TNFSF18: variants seen among roughly 807,000 people sequenced by gnomAD.
TNFSF18 encodes the protein tumor necrosis factor ligand superfamily member 18.
In TNFSF18, 6 loss-of-function variants were observed where a neutral mutation model predicts 9.6. That is an observed-to-expected ratio of 0.63 (90% CI 0.34 to 1.24). TNFSF18 has a LOEUF of 1.24. TNFSF18 is among the 50% of genes most tolerant of loss of function. TNFSF18 has a pLI of 0.03. For synonymous variants in TNFSF18, 68 were observed against 71.7 expected (o/e 0.95, Z 0.26); for missense variants, 210 against 201.0 (o/e 1.04, Z -0.27).
At position 173,040,503 on chromosome 1, in the gene TNFSF18, A is replaced by G. The variant is rs567339501; in HGVS notation, c.*864T>C. On this transcript the variant is annotated 3_prime_UTR_variant, in exon 3 of 3. Coordinates refer to ENST00000404377, the MANE Select transcript of TNFSF18 (RefSeq NM_005092.4). ...TTTTCCCCCAAATGCCTGCCCAATT[A>G]ACTTCATAGAATTGCTAACTGTTTT... 2.6e-5 allele frequency: 4 copies of G among 152,288 alleles called. No individual in the cohort carries two copies. The South Asian group carries it at 8.3e-4, about 32-fold the overall frequency. 9.4% of individuals were successfully genotyped at this position (152,288 alleles called of 1,614,324 possible).
chr1:173,041,822 C>CGGCGACCACCG, intron 2 of TNFSF18, 109 bp from the exon 3 acceptor site: 1 of 872,602 alleles, frequency 1.1e-6, no homozygotes, highest in South Asian at 2.5e-5. Flanking sequence ...GTTTCTTTAC[C>CGGCGACCACCG]TGATCTACAC....
intron 2 of TNFSF18, 103 bp from the exon 3 acceptor site, chr1:173,041,816 C>CG: frequency 4.4e-6 from 4 of 899,510 alleles, no homozygotes; most frequent in South Asian, 3.9e-5. Flanking sequence ...CATGTTGTTT[C>CG]TTTACCTGAT....
At chr1:173,046,950 TG>T (rs902688530) in intron 1 of TNFSF18, among the ~76,000 whole-genome samples, 2 of 151,966 alleles carry the variant, frequency 1.3e-5, no homozygotes, top group African/African-American at 4.8e-5. Context: ...TGGAGTGCAG[TG>T]GTGTTATCTC....
intron 1 of TNFSF18, among the ~76,000 whole-genome samples, chr1:173,046,578 C>G (rs1241545605): frequency 6.6e-6 from 1 of 151,910 alleles, no homozygotes; most frequent in Admixed American, 6.6e-5. Flanking sequence ...AAATATTTTA[C>G]TTATTTTAGT....
At chr1:173,049,409 C>A (rs1158398425) in intron 1 of TNFSF18, among the ~76,000 whole-genome samples, 5 of 152,180 alleles carry the variant, frequency 3.3e-5, no homozygotes, top group Admixed American at 2.0e-4. Flanking sequence ...GAATTTCTGA[C>A]AATTCTTTCT....
intron 2 of TNFSF18, among the ~76,000 whole-genome samples, chr1:173,042,772 T>G (rs955233162): frequency 2.6e-5 from 4 of 152,080 alleles, no homozygotes; most frequent in African/African-American, 9.7e-5. Flanking sequence ...CTCCATAATT[T>G]TTGTCCTTTG....
intron 1 of TNFSF18, among the ~76,000 whole-genome samples, chr1:173,050,500 CTCTA>C (rs1358296213): frequency 6.6e-6 from 1 of 152,084 alleles, no homozygotes; most frequent in African/African-American, 2.4e-5. Context: ...AACCAGTTCT[CTCTA>C]TCTAACAGAG....
chr1:173,041,554 C>A lies in TNFSF18; in HGVS notation c.347G>T (p.Arg116Leu). 1 of 1,613,440 alleles carries A rather than the reference C, an allele frequency of 6.2e-7. No homozygotes were observed. The highest frequency in any genetic ancestry group is 8.5e-7 in the Non-Finnish European group (1 of 1,179,620). ...TATCATGTCTTTGTTTTTATACAGCCGCACCTCAAAAGGAGCTACATCATT... is the reference window on the plus strand; with the variant it reads ...TATCATGTCTTTGTTTTTATACAGCAGCACCTCAAAAGGAGCTACATCATT... Reference protein sequence around the residue: ...NYNDVAPFEVRLYKNKDMIQT... With the variant: ...NYNDVAPFEVLLYKNKDMIQT... Residue 116 changes from arginine (R) to leucine (L), a missense_variant, in exon 3 of 3, where the codon CGG becomes CTG. Physicochemically the swap from Arg to Leu is moderately radical, Grantham distance 102. Coordinates refer to ENST00000404377, the MANE Select transcript of TNFSF18 (RefSeq NM_005092.4).
At chr1:173,049,852 A>G (rs1665141026) in intron 1 of TNFSF18, among the ~76,000 whole-genome samples, 1 of 152,190 alleles carries the variant, frequency 6.6e-6, no homozygotes, top group Non-Finnish European at 1.5e-5. Context: ...AGTGCTACGT[A>G]GTTAACTGTG....
At chr1:173,042,315 A>G (rs1422028138) in intron 2 of TNFSF18, among the ~76,000 whole-genome samples, 1 of 152,132 alleles carries the variant, frequency 6.6e-6, no homozygotes, top group Non-Finnish European at 1.5e-5. Flanking sequence ...TAGGACAAAT[A>G]TATCTCTATT....
Position 173,043,267 on chromosome 1 carries a change from A to C in TNFSF18, c.187+672T>G, listed in dbSNP as rs996971554. Among the ~76,000 whole-genome samples, 3 of 152,188 alleles carry C rather than the reference A, an allele frequency of 2.0e-5. No homozygotes were observed. The South Asian group carries it at 6.2e-4, about 31-fold the overall frequency. ...CTATATAGGAACACAGGGGTTGCAG[A>C]GTTAACTCTAGAAATGGTCTGTTCT... On this transcript the variant is annotated intron_variant, in intron 2 of 2. Coordinates refer to ENST00000404377, the MANE Select transcript of TNFSF18 (RefSeq NM_005092.4).
chr1:173,042,759 A>G (rs977032797), intron 2 of TNFSF18, among the ~76,000 whole-genome samples: 8 of 152,110 alleles, frequency 5.3e-5, no homozygotes, highest in South Asian at 2.1e-4. Context: ...CTGTTCTGCA[A>G]TTCTCCATAA....
At position 173,043,950 on chromosome 1, in the gene TNFSF18, A is replaced by G; in HGVS notation, c.176T>C (p.Met59Thr). 8 of 1,612,966 alleles carry G rather than the reference A, an allele frequency of 5.0e-6. No homozygotes were observed. Among genetic ancestry groups the G allele is most frequent in the Non-Finnish European group, 6.8e-6 (8 of 1,179,018 alleles). Residue 59 changes from methionine (M) to threonine (T), a missense_variant, in exon 2 of 3, where the codon ATG becomes ACG. Coordinates refer to ENST00000404377, the MANE Select transcript of TNFSF18 (RefSeq NM_005092.4). ...LQLETAKEPC[M>T]AKFGPLPSKW... ...GATAGGTTACTCACCAAACTTAGCC[A>G]TACAGGGCTCCTTAGCAGTCTGTTG...
At position 173,039,368 on chromosome 1, in the gene TNFSF18, T is replaced by G. The variant is rs2101924911; in HGVS notation, c.*1999A>C. On this transcript the variant is annotated 3_prime_UTR_variant, in exon 3 of 3. Transcript: ENST00000404377. ...AGCTGCAGCTGTAGTAACCTCTGCT[T>G]GCCCTGAGAAATCACCAGTATGCCA... Among the ~76,000 whole-genome samples, 1 of 152,290 alleles carries G rather than the reference T, an allele frequency of 6.6e-6. No homozygotes were observed. The highest frequency in any genetic ancestry group is 2.1e-4 in the South Asian group (1 of 4,822).
chr1:173,046,240 A>G (rs903366894), intron 1 of TNFSF18, among the ~76,000 whole-genome samples: 1 of 152,206 alleles, frequency 6.6e-6, no homozygotes, highest in Non-Finnish European at 1.5e-5. Context: ...TTGTCATTAG[A>G]GTATAATGAA....
intron 1 of TNFSF18, 144 bp from the exon 2 acceptor site, chr1:173,044,113 GC>G (rs1228094675): frequency 1.3e-6 from 1 of 743,482 alleles, no homozygotes. Context: ...CCATGTCTCA[GC>G]CCTCTCAGCC....
Position 173,041,640 on chromosome 1 carries a change from C to T in TNFSF18, c.261G>A (p.Leu87=). The T allele has an allele frequency of 6.2e-7, 1 of 1,613,528 alleles. No homozygotes were observed. Among genetic ancestry groups the T allele is most frequent in the Non-Finnish European group, 8.5e-7 (1 of 1,179,598 alleles). ...PCVNKVSDWK[L]EILQNGLYLI... is the part of the protein sequence containing the mutation. ...AATATAAGCCATTCTGAAGTATCTC[C>T]AGCTTCCAGTCAGACACCTTATTCA... Residue 87 remains leucine, a synonymous_variant, in exon 3 of 3, where the codon CTG becomes CTA. Coordinates refer to ENST00000404377, the MANE Select transcript of TNFSF18 (RefSeq NM_005092.4).
At chr1:173,043,994 T>G in intron 1 of TNFSF18, 25 bp from the exon 2 acceptor site, 1 of 1,606,248 alleles carries the variant, frequency 6.2e-7, no homozygotes, top group Non-Finnish European at 8.5e-7. Flanking sequence ...AAAGATGAAT[T>G]GATTAGGATG....
intron 2 of TNFSF18, among the ~76,000 whole-genome samples, chr1:173,042,463 GT>G (rs1217990980): frequency 1.3e-5 from 2 of 151,968 alleles, no homozygotes; most frequent in East Asian, 3.9e-4. Flanking sequence ...GTTCTCCTCA[GT>G]TTGTAGGTAT....
Sources: gnomAD v4.1 joint callset for allele counts (sites outside exome capture counted in the v4.1 genomes callset) on GRCh38, gnomAD v4.1.1 for gene constraint, MANE v1.5 for transcripts, NCBI Gene and HGNC (gene_info 2026-07-23, HGNC 2026-07-21) for gene names.